The following LEKR1 variants were observed in gnomAD, a reference collection of about 807,000 sequenced individuals.
The protein encoded by LEKR1 is leucine, glutamate and lysine rich 1, also known as protein LEKR1.
Under a neutral mutation model 72.4 loss-of-function variants are expected in LEKR1, and 59 were observed. That is an observed-to-expected ratio of 0.82 (90% CI 0.66 to 1.01). The LOEUF (loss-of-function observed/expected upper bound fraction) is 1.01. Among genes scored for constraint, LEKR1 ranks in the 50% least tolerant of loss-of-function variants. LEKR1 has a pLI of 0.00. For synonymous variants in LEKR1, 257 were observed against 263.2 expected, an observed-to-expected ratio of 0.98 and a Z score of 0.23; for missense variants, 728 against 759.2, an observed-to-expected ratio of 0.96 and a Z score of 0.48.
chr3:156,870,447 G>A (rs542120066), intron 3 of LEKR1, among the ~76,000 whole-genome samples: 12 of 151,968 alleles, frequency 7.9e-5, no homozygotes, highest in African/African-American at 2.4e-4. Context: ...ATTTTTTGGA[G>A]CTATTGTAAA....
intron 12 of LEKR1, among the ~76,000 whole-genome samples, chr3:157,037,950 G>A (rs1336012584): frequency 6.6e-6 from 1 of 152,184 alleles, no homozygotes; most frequent in African/African-American, 2.4e-5. Context: ...CTGGAGCTTA[G>A]TGAGCAAGGA....
chr3:156,929,488 A>G (rs1021086517), intron 5 of LEKR1, among the ~76,000 whole-genome samples: 8 of 152,172 alleles, frequency 5.3e-5, no homozygotes, highest in African/African-American at 1.9e-4. Context: ...TCAGAATGAG[A>G]CAATAGCAGC....
At chr3:157,042,009 C>T (rs1016402753) in intron 12 of LEKR1, among the ~76,000 whole-genome samples, 1 of 152,134 alleles carries the variant, frequency 6.6e-6, no homozygotes, top group African/African-American at 2.4e-5. Flanking sequence ...ATAGCAATCC[C>T]CTATATTTCC....
In LEKR1 at chr3:156,852,898, G is replaced by C; in HGVS notation, c.179G>C (p.Arg60Pro). 1.4e-6 allele frequency: 2 copies of C among 1,458,436 alleles called. No homozygotes were observed. The highest frequency in any genetic ancestry group is 1.8e-6 in the Non-Finnish European group (2 of 1,110,352). 90.3% of individuals were successfully genotyped at this position (1,458,436 alleles called of 1,614,324 possible). A position where few individuals can be genotyped will look rare whatever the true frequency, so the allele number is the denominator to read the frequency against. ...AAATTTTATCAAGGAAGTGTAGATC[G>C]TGAAAAGAGACTTCAAGAAAAGCTG... ...EMKFYQGSVDREKRLQEKLHS... is the reference protein window; with the variant it reads ...EMKFYQGSVDPEKRLQEKLHS... Residue 60 changes from arginine to proline, a missense_variant, in exon 3 of 13, where the codon CGT becomes CCT. Transcript: ENST00000356539.
At chr3:157,011,213 A>G (rs1436472395) in intron 9 of LEKR1, among the ~76,000 whole-genome samples, 200 bp from the exon 10 acceptor site, 1 of 152,116 alleles carries the variant, frequency 6.6e-6, no homozygotes, top group African/African-American at 2.4e-5. Flanking sequence ...TAAGCCTGGG[A>G]AAAATACCAT....
intron 12 of LEKR1, among the ~76,000 whole-genome samples, chr3:157,036,525 G>A (rs1379539804): frequency 1.3e-5 from 2 of 152,086 alleles, no homozygotes; most frequent in Non-Finnish European, 2.9e-5. Flanking sequence ...AGACTTAAGA[G>A]TTCTCAAAAA....
At chr3:156,841,171 C>T (rs570204977) in intron 2 of LEKR1, among the ~76,000 whole-genome samples, 1 of 152,268 alleles carries the variant, frequency 6.6e-6, no homozygotes, top group Admixed American at 6.5e-5. Flanking sequence ...GAACTTTATG[C>T]TGGTGGTGAA....
intron 10 of LEKR1, among the ~76,000 whole-genome samples, chr3:157,012,917 AAAG>A (rs1733008582): frequency 6.6e-6 from 1 of 152,228 alleles, no homozygotes; most frequent in South Asian, 2.1e-4. Context: ...AAAAATTGAA[AAAG>A]AAGATTATCA....
chr3:156,864,650 T>C (rs1331830322), intron 3 of LEKR1, among the ~76,000 whole-genome samples: 1 of 152,070 alleles, frequency 6.6e-6, no homozygotes, highest in Non-Finnish European at 1.5e-5. Context: ...TCAAAAAAAG[T>C]TCTAATTCAG....
intron 2 of LEKR1, among the ~76,000 whole-genome samples, chr3:156,830,682 AAAC>A (rs1286843657): frequency 2.6e-5 from 4 of 152,200 alleles, no homozygotes; most frequent in Non-Finnish European, 5.9e-5. Flanking sequence ...ATTCAAGAAA[AAAC>A]AAAGTCATTC....
chr3:156,904,979 A>AGCTCAAATTC (rs915483381), intron 3 of LEKR1, among the ~76,000 whole-genome samples: 2 of 152,160 alleles, frequency 1.3e-5, no homozygotes, highest in Non-Finnish European at 2.9e-5. Context: ...GACCAAATAG[A>AGCTCAAATTC]GCTCAAATTC....
chr3:156,961,113 T>C (rs528859706), intron 6 of LEKR1, among the ~76,000 whole-genome samples: 2 of 152,246 alleles, frequency 1.3e-5, no homozygotes, highest in Non-Finnish European at 2.9e-5. Flanking sequence ...CCTTCCTTAA[T>C]TTATTTTACC....
rs1729882529 is a variant in LEKR1, at chr3:156,978,303, A to ATT, written c.746-891_746-890insTT. ...TTTTATGTATTTATATGGATGCATA[A>ATT]AGATTTTAAAGTTTACTATTAAAAT... On this transcript the variant is annotated intron_variant, in intron 6 of 12. Coordinates refer to ENST00000356539, the MANE Select transcript of LEKR1 (RefSeq NM_001004316.3). 2.0e-5 allele frequency among the ~76,000 whole-genome samples: 3 copies of ATT among 152,342 alleles called. No homozygotes were observed. In the South Asian group the frequency reaches 6.2e-4, roughly 32 times the overall value.
chr3:156,847,707 T>C (rs1307801885), intron 2 of LEKR1, among the ~76,000 whole-genome samples: 2 of 152,206 alleles, frequency 1.3e-5, no homozygotes, highest in African/African-American at 4.8e-5. Context: ...TTGTGCAATG[T>C]ATTTATTTAA....
intron 6 of LEKR1, among the ~76,000 whole-genome samples, chr3:156,965,796 G>C (rs1728508431): frequency 6.6e-6 from 1 of 152,128 alleles, no homozygotes; most frequent in African/African-American, 2.4e-5. Context: ...GTTTGCTAAA[G>C]TTAAAATATG....
At position 157,028,141 on chromosome 3, in the gene LEKR1, G is replaced by A; in HGVS notation, c.1407G>A (p.Arg469=). 6.2e-7 allele frequency: 1 copy of A among 1,606,648 alleles called. No individual in the cohort carries two copies. Among genetic ancestry groups the A allele is most frequent in the Non-Finnish European group, 8.5e-7 (1 of 1,175,950 alleles). ...TCACAGGCGCTACAAGAGATCTAAG[G>A]CAGGAAGTGACCACTCTTAAAGAAA... The part of the protein sequence containing the change: ...DLITGATRDL[R]QEVTTLKEKL... The change falls in exon 12 of 13, where the codon AGG becomes AGA. Residue 469 remains arginine (R), a synonymous_variant. Transcript: ENST00000356539.
Position 156,971,194 on chromosome 3 carries a change from C to T in LEKR1, c.746-8000C>T, listed in dbSNP as rs151201491. Among the ~76,000 whole-genome samples, 211 of 152,228 alleles carry T rather than the reference C, an allele frequency of 1.4e-3. 2 individuals are homozygous for T. The highest frequency in any genetic ancestry group is 0.011 in the Admixed American group (167 of 15,284). ...CCTCAGAAATAACGCCGCATGTCTA[C>T]GACCATCTGATCTTTGACAAACCTG... On this transcript the variant is annotated intron_variant, in intron 6 of 12. Transcript: ENST00000356539.
At chr3:156,869,423 T>C (rs1452736598) in intron 3 of LEKR1, among the ~76,000 whole-genome samples, 3 of 152,078 alleles carry the variant, frequency 2.0e-5, no homozygotes, top group African/African-American at 7.2e-5. Flanking sequence ...TATCTCGTGG[T>C]TTTGGTTGGT....
chr3:156,969,801 C>T (rs1728992468), intron 6 of LEKR1, among the ~76,000 whole-genome samples: 1 of 152,142 alleles, frequency 6.6e-6, no homozygotes, highest in Admixed American at 6.5e-5. Context: ...ATACCAAAGC[C>T]TGGCAGAGAC....
Sources: allele counts gnomAD v4.1 joint callset (sites outside exome capture counted in the v4.1 genomes callset), GRCh38; gene constraint gnomAD v4.1.1; transcripts MANE v1.5; gene names NCBI Gene and HGNC (gene_info 2026-07-23, HGNC 2026-07-21).